Variants in DOCK4 observed in about 807,000 individuals in gnomAD.
DOCK4 encodes the protein dedicator of cytokinesis protein 4.
In DOCK4, 97 loss-of-function variants were observed where a neutral mutation model predicts 268.1. The ratio of observed to expected loss-of-function variants is 0.36; its 90% CI spans 0.31 to 0.43. DOCK4 has a LOEUF of 0.43. Among genes scored for constraint, DOCK4 ranks in the 20% least tolerant of loss-of-function variants. DOCK4 has a pLI of 1.00. For missense variants in DOCK4, 2,145 were observed against 2,455.7 expected (o/e 0.87, Z 2.67); for synonymous variants, 954 against 887.2 (o/e 1.08, Z -1.34).
intron 1 of DOCK4, among the ~76,000 whole-genome samples, chr7:112,037,790 T>C (rs1050327052): frequency 1.3e-5 from 2 of 152,216 alleles, no homozygotes; most frequent in Admixed American, 6.5e-5. Context: ...GATCATTAGA[T>C]AGGGGTAAAT....
intron 23 of DOCK4, among the ~76,000 whole-genome samples, chr7:111,861,171 G>A (rs866209922): frequency 1.2e-4 from 18 of 152,130 alleles, no homozygotes; most frequent in South Asian, 2.1e-4. Flanking sequence ...AGAGATTCCT[G>A]AGTCACTGCA....
Position 111,822,475 on chromosome 7 carries a change from A to G in DOCK4, c.2836-19T>C, listed in dbSNP as rs1387411045. The G allele has an allele frequency of 6.3e-7, 1 of 1,592,246 alleles. No homozygotes were observed. Among genetic ancestry groups the G allele is most frequent in the Non-Finnish European group, 8.6e-7 (1 of 1,164,872 alleles). The stretch of plus-strand genomic sequence containing the variant: ...GGAAATCCTTGGATAAGGAGAAAAT[A>G]GATCATTTTATTGGTTTATTGTAAC... On this transcript the variant is annotated intron_variant, in intron 26 of 52. Transcript: ENST00000428084.
At chr7:111,847,261 C>T in intron 23 of DOCK4, 135 bp from the exon 24 acceptor site, 1 of 1,121,032 alleles carries the variant, frequency 8.9e-7, no homozygotes, top group Non-Finnish European at 1.2e-6. Context: ...ATTAGTTCTA[C>T]AAGGTTTATA....
intron 42 of DOCK4, among the ~76,000 whole-genome samples, chr7:111,754,317 T>G (rs1796884786): frequency 6.6e-6 from 1 of 152,206 alleles, no homozygotes; most frequent in South Asian, 2.1e-4. Flanking sequence ...AATCCTTAGC[T>G]TAATTGAACA....
intron 23 of DOCK4, among the ~76,000 whole-genome samples, chr7:111,854,482 G>A (rs903519973): frequency 1.3e-5 from 2 of 152,174 alleles, no homozygotes; most frequent in Admixed American, 6.5e-5. Context: ...GGGTCTTGCC[G>A]ATGCTCCCAG....
intron 52 of DOCK4, 129 bp from the exon 53 acceptor site, chr7:111,728,849 G>A (rs755328191): frequency 8.3e-6 from 7 of 844,326 alleles, no homozygotes; most frequent in Non-Finnish European, 1.3e-5. Flanking sequence ...AGCAGGAGAT[G>A]CAGCCTTTAA....
At chr7:111,783,421 CTG>C (rs1798925118) in intron 34 of DOCK4, among the ~76,000 whole-genome samples, 1 of 152,168 alleles carries the variant, frequency 6.6e-6, no homozygotes, top group Non-Finnish European at 1.5e-5. Flanking sequence ...GAAGGTGACA[CTG>C]TGAGTTTCAT....
At chr7:112,031,543 A>C (rs969081815) in intron 1 of DOCK4, among the ~76,000 whole-genome samples, 6 of 152,002 alleles carry the variant, frequency 3.9e-5, no homozygotes, top group African/African-American at 1.4e-4. Context: ...AATTCTTATA[A>C]CCTTCCATTG....
intron 1 of DOCK4, among the ~76,000 whole-genome samples, chr7:112,126,744 C>T (rs1046489527): frequency 5.1e-4 from 77 of 152,150 alleles, no homozygotes; most frequent in African/African-American, 1.6e-3. Flanking sequence ...AAAAAGTGGG[C>T]GAAGGATATG....
chr7:111,928,344 A>G (rs1793902043), intron 12 of DOCK4, among the ~76,000 whole-genome samples: 1 of 152,220 alleles, frequency 6.6e-6, no homozygotes. Flanking sequence ...GATTATATCT[A>G]AATTAGCCAT....
At chr7:111,785,955 C>G (rs573762097) in intron 32 of DOCK4, among the ~76,000 whole-genome samples, 1 of 151,990 alleles carries the variant, frequency 6.6e-6, no homozygotes, top group African/African-American at 2.4e-5. Context: ...GTGTGTGTGT[C>G]GGGGATTTCA....
chr7:111,914,695 C>G (rs959777637), intron 13 of DOCK4, among the ~76,000 whole-genome samples: 3 of 152,194 alleles, frequency 2.0e-5, no homozygotes, highest in South Asian at 4.1e-4. Flanking sequence ...ATCTCCATCT[C>G]TCCACCCACT....
chr7:112,126,533 G>A (rs999653692), intron 1 of DOCK4, among the ~76,000 whole-genome samples: 3 of 152,092 alleles, frequency 2.0e-5, no homozygotes, highest in African/African-American at 7.2e-5. Context: ...AAAAGCAATG[G>A]CAACAAAAGA....
chr7:112,070,805 A>G (rs1345897246), intron 1 of DOCK4, among the ~76,000 whole-genome samples: 1 of 152,254 alleles, frequency 6.6e-6, no homozygotes. Context: ...TCTTAGGCAC[A>G]CTGGCCCTGC....
At chr7:111,950,927 T>C (rs992346632) in intron 8 of DOCK4, among the ~76,000 whole-genome samples, 1 of 152,196 alleles carries the variant, frequency 6.6e-6, no homozygotes, top group Non-Finnish European at 1.5e-5. Flanking sequence ...ATAGAACATT[T>C]CTAGAAACAC....
chr7:112,117,759 T>C (rs1249991215), intron 1 of DOCK4, among the ~76,000 whole-genome samples: 1 of 152,214 alleles, frequency 6.6e-6, no homozygotes, highest in Non-Finnish European at 1.5e-5. Flanking sequence ...TGTTGTGTTA[T>C]TGTATGGCAT....
intron 27 of DOCK4, among the ~76,000 whole-genome samples, chr7:111,812,186 G>A (rs1346209851): frequency 6.6e-6 from 1 of 152,168 alleles, no homozygotes; most frequent in African/African-American, 2.4e-5. Flanking sequence ...GAATTCATAT[G>A]GCTCAGACAG....
intron 1 of DOCK4, among the ~76,000 whole-genome samples, chr7:112,184,939 G>C (rs1445731045): frequency 3.9e-5 from 6 of 152,078 alleles, no homozygotes; most frequent in Admixed American, 2.6e-4. Flanking sequence ...AGTTTACATG[G>C]CTTCACAAAA....
intron 1 of DOCK4, among the ~76,000 whole-genome samples, chr7:112,100,449 G>GT (rs1253494090): frequency 2.0e-5 from 3 of 152,232 alleles, no homozygotes; most frequent in African/African-American, 7.2e-5. Flanking sequence ...AGATGCTCCA[G>GT]TTTTTTACCC....
Sources: gnomAD v4.1 joint callset for allele counts (sites outside exome capture counted in the v4.1 genomes callset) on GRCh38, gnomAD v4.1.1 for gene constraint, MANE v1.5 for transcripts, NCBI Gene and HGNC (gene_info 2026-07-23, HGNC 2026-07-21) for gene names.